MAPK10: variants seen among roughly 807,000 people sequenced by gnomAD.
MAPK10 encodes the protein JNK3 alpha protein kinase.
A neutral mutation model predicts 59.3 loss-of-function variants in MAPK10; 25 were observed. The ratio of observed to expected loss-of-function variants is 0.42; its 90% CI spans 0.31 to 0.59. The LOEUF (loss-of-function observed/expected upper bound fraction) is 0.59, where lower values mean the gene tolerates loss of function less well. Among genes scored for constraint, MAPK10 ranks in the 20% least tolerant of loss-of-function variants. MAPK10 has a pLI of 0.15. For missense variants in MAPK10, 351 were observed against 568.9 expected (o/e 0.62, Z 3.90); for synonymous variants, 190 against 200.5 (o/e 0.95, Z 0.44).
chr4:86,160,221 C>T (rs2069129317), intron 3 of MAPK10: 1 of 151,764 alleles, frequency 6.6e-6, no homozygotes, highest in Non-Finnish European at 1.5e-5. Flanking sequence ...AACTATAATA[C>T]ATATGTATAA....
In MAPK10 at chr4:86,551,253, A is replaced by G. The variant is rs530943869; in HGVS notation, c.-263+42657T>C. The stretch of plus-strand genomic sequence containing the variant: ...TTTAAAGAAATGTGTGTTTTCCACT[A>G]TTTAATGATCACATCATATGCTGAA... On this transcript the variant is annotated intron_variant, in intron 1 of 4. Coordinates refer to the MAPK10 transcript ENST00000502302. Among the ~76,000 whole-genome samples, 3 of 152,348 alleles carry G rather than the reference A, an allele frequency of 2.0e-5. No homozygotes were observed. The South Asian group carries it at 6.2e-4, about 32-fold the overall frequency.
intron 1 of MAPK10, among the ~76,000 whole-genome samples, chr4:86,528,513 T>C (rs917918541): frequency 6.6e-6 from 1 of 152,226 alleles, no homozygotes; most frequent in Admixed American, 6.5e-5. Flanking sequence ...TCTCAACTCA[T>C]TATGAACATA....
At chr4:86,059,177 G>T (rs2045227086) in intron 11 of MAPK10, among the ~76,000 whole-genome samples, 2 of 152,038 alleles carry the variant, frequency 1.3e-5, no homozygotes, top group Admixed American at 6.6e-5. Context: ...CATCCTCTTT[G>T]GTAATATCCA....
At chr4:86,491,764 T>A (rs1459780678) in intron 1 of MAPK10, among the ~76,000 whole-genome samples, 1 of 152,236 alleles carries the variant, frequency 6.6e-6, no homozygotes, top group Non-Finnish European at 1.5e-5. Flanking sequence ...TGCTGATTTC[T>A]TATTATTTTA....
At chr4:86,516,222 T>C (rs962964668) in intron 1 of MAPK10, among the ~76,000 whole-genome samples, 2 of 152,202 alleles carry the variant, frequency 1.3e-5, no homozygotes, top group Non-Finnish European at 2.9e-5. Flanking sequence ...GGGTTCTCTA[T>C]TCTGTTCCAT....
At chr4:86,397,880 A>AC (rs1554258189) in intron 1 of MAPK10, among the ~76,000 whole-genome samples, 76 of 151,422 alleles carry the variant, frequency 5.0e-4, no homozygotes, top group African/African-American at 1.7e-3. Context: ...AAAAAAAAAA[A>AC]AAAAAAAAAA....
intron 1 of MAPK10, among the ~76,000 whole-genome samples, chr4:86,564,662 G>T (rs1675408140): frequency 6.6e-6 from 1 of 152,110 alleles, no homozygotes; most frequent in African/African-American, 2.4e-5. Context: ...TGCACATATA[G>T]CGCCATGAGG....
chr4:86,517,974 C>T (rs1282089424), intron 1 of MAPK10, among the ~76,000 whole-genome samples: 2 of 152,010 alleles, frequency 1.3e-5, no homozygotes, highest in Non-Finnish European at 2.9e-5. Context: ...TTGCTCTGTT[C>T]AGAGTTCCTA....
chr4:86,381,655 C>T (rs185399993), intron 1 of MAPK10, among the ~76,000 whole-genome samples: 15 of 152,328 alleles, frequency 9.8e-5, no homozygotes, highest in South Asian at 2.1e-4. Context: ...CCCCTGGCTC[C>T]GCTTGTGGAG....
upstream of MAPK10, among the ~76,000 whole-genome samples, chr4:86,455,849 A>C (rs1293651650): frequency 6.6e-6 from 1 of 152,236 alleles, no homozygotes; most frequent in Non-Finnish European, 1.5e-5. Context: ...CAAATGCAGA[A>C]TATACATTCT....
intron 1 of MAPK10, among the ~76,000 whole-genome samples, chr4:86,500,848 T>C (rs1197375619): frequency 2.6e-5 from 4 of 152,144 alleles, no homozygotes; most frequent in Non-Finnish European, 4.4e-5. Context: ...AAAATAGTTA[T>C]GGATACACAT....
chr4:86,218,121 A>C (rs926228127), intron 2 of MAPK10, among the ~76,000 whole-genome samples: 1 of 152,210 alleles, frequency 6.6e-6, no homozygotes, highest in Non-Finnish European at 1.5e-5. Context: ...ACAAAAATAA[A>C]CAACTCAAAA....
intron 1 of MAPK10, among the ~76,000 whole-genome samples, chr4:86,496,000 C>T (rs563007180): frequency 6.6e-6 from 1 of 152,236 alleles, no homozygotes; most frequent in African/African-American, 2.4e-5. Flanking sequence ...GAAGATATTA[C>T]ATAAACATCA....
intron 2 of MAPK10, among the ~76,000 whole-genome samples, chr4:86,266,876 T>A (rs570514077): frequency 1.3e-5 from 2 of 152,002 alleles, no homozygotes; most frequent in Non-Finnish European, 2.9e-5. Context: ...TATTATATAA[T>A]ATTTTCTGCA....
intron 2 of MAPK10, among the ~76,000 whole-genome samples, chr4:86,337,182 A>G (rs1226399732): frequency 6.6e-6 from 1 of 152,214 alleles, no homozygotes; most frequent in Non-Finnish European, 1.5e-5. Context: ...TTGTTGAATG[A>G]ATAAATACAA....
chr4:86,456,210 A>G (rs952967701), upstream of MAPK10, among the ~76,000 whole-genome samples: 3 of 152,192 alleles, frequency 2.0e-5, no homozygotes, highest in African/African-American at 7.2e-5. Flanking sequence ...AATGTCTGAA[A>G]AAGCACAAAC....
intron 11 of MAPK10, among the ~76,000 whole-genome samples, chr4:86,042,509 G>T (rs2041769429): frequency 6.6e-6 from 1 of 151,980 alleles, no homozygotes; most frequent in Non-Finnish European, 1.5e-5. Flanking sequence ...AAGTGTTAAG[G>T]GATACACAAT....
chr4:86,133,893 A>C, intron 4 of MAPK10, among the ~76,000 whole-genome samples: 1 of 152,206 alleles, frequency 6.6e-6, no homozygotes, highest in South Asian at 2.1e-4. Flanking sequence ...CTCGGGTAAC[A>C]AAAAAATATG....
At chr4:86,242,958 G>A (rs2092834758) in intron 2 of MAPK10, among the ~76,000 whole-genome samples, 1 of 152,162 alleles carries the variant, frequency 6.6e-6, no homozygotes, top group African/African-American at 2.4e-5. Context: ...ATGGGTTTGC[G>A]AGTGGGATCT....
Sources: allele counts gnomAD v4.1 joint callset (sites outside exome capture counted in the v4.1 genomes callset), GRCh38; gene constraint gnomAD v4.1.1; transcripts MANE v1.5; gene names NCBI Gene and HGNC (gene_info 2026-07-23, HGNC 2026-07-21).